Variants in GRM1 observed in about 807,000 individuals in gnomAD.
GRM1 encodes the protein metabotropic glutamate receptor 1.
Under a neutral mutation model 90.9 loss-of-function variants are expected in GRM1, and 33 were observed. That is an observed-to-expected ratio of 0.36 (90% CI 0.28 to 0.49). The LOEUF (loss-of-function observed/expected upper bound fraction) is 0.49. GRM1 is among the 20% of genes least tolerant of loss of function. The probability of loss-of-function intolerance (pLI) is 0.99; values close to 1 mark genes in which losing one functional copy is unlikely to be tolerated. For synonymous variants in GRM1, 700 were observed against 613.2 expected (o/e 1.14, Z -2.09); for missense variants, 1,190 against 1,534.3 (o/e 0.78, Z 3.75).
At chr6:146,203,963 A>G (rs983246557) in intron 2 of GRM1, among the ~76,000 whole-genome samples, 20 of 152,212 alleles carry the variant, frequency 1.3e-4, no homozygotes, top group African/African-American at 4.8e-4. Flanking sequence ...TATTTCAATC[A>G]CTATACCAAC....
At chr6:146,283,352 A>G (rs1037890117) in intron 2 of GRM1, among the ~76,000 whole-genome samples, 7 of 152,174 alleles carry the variant, frequency 4.6e-5, no homozygotes, top group Admixed American at 1.3e-4. Context: ...TGTCAAATAC[A>G]TATGTGCTTT....
At chr6:146,412,794 C>T (rs1002488563) in intron 7 of GRM1, among the ~76,000 whole-genome samples, 3 of 152,050 alleles carry the variant, frequency 2.0e-5, no homozygotes, top group African/African-American at 7.2e-5. Context: ...ATACAAATGT[C>T]CTAGAATAAC....
intron 2 of GRM1, among the ~76,000 whole-genome samples, chr6:146,252,789 C>T (rs952115198): frequency 2.0e-5 from 3 of 151,700 alleles, no homozygotes; most frequent in African/African-American, 7.3e-5. Flanking sequence ...TGGTTGGGCG[C>T]AGTGGCTCAC....
intron 2 of GRM1, among the ~76,000 whole-genome samples, chr6:146,270,813 TTCTG>T (rs1782087057): frequency 6.8e-6 from 1 of 147,968 alleles, no homozygotes; most frequent in South Asian, 2.1e-4. Context: ...AGATTTTCTT[TTCTG>T]TCTGCCTGCC....
In GRM1 at chr6:146,434,918, GCTGCTGCTGCTGCCGCTA is replaced by G. The variant is rs1481357791; in HGVS notation, c.*137_*154del. ...GGCCTCGTCGGGAGGACAGGAGACC[GCTGCTGCTGCTGCCGCTA>G]CTGCTGCTGCTGCCTTAAGTAGGAA... On this transcript the variant is annotated 3_prime_UTR_variant, in exon 8 of 8. Transcript: ENST00000282753. 13 of 801,596 alleles carry G rather than the reference GCTGCTGCTGCTGCCGCTA, an allele frequency of 1.6e-5. No individual in the cohort carries two copies. The highest frequency in any genetic ancestry group is 2.3e-5 in the Non-Finnish European group (11 of 475,736). 49.7% of individuals were successfully genotyped at this position (801,596 alleles called of 1,614,324 possible). A position where few individuals can be genotyped will look rare whatever the true frequency, so the allele number is the denominator to read the frequency against.
chr6:146,134,440 TA>T (rs1405615183), intron 1 of GRM1, among the ~76,000 whole-genome samples: 1 of 152,104 alleles, frequency 6.6e-6, no homozygotes, highest in African/African-American at 2.4e-5. Flanking sequence ...CAAGACTAGG[TA>T]ATTTATAAAG....
chr6:146,102,423 T>G (rs1404070227), intron 1 of GRM1, among the ~76,000 whole-genome samples: 1 of 152,226 alleles, frequency 6.6e-6, no homozygotes, highest in Non-Finnish European at 1.5e-5. Context: ...AATCTTTTTC[T>G]CCTAAACTTC....
intron 2 of GRM1, among the ~76,000 whole-genome samples, chr6:146,192,714 T>G (rs1486350350): frequency 3.3e-5 from 5 of 152,216 alleles, no homozygotes; most frequent in Non-Finnish European, 5.9e-5. Flanking sequence ...GTCAATTTAC[T>G]GATCTTTATT....
At chr6:146,293,252 A>T (rs1332989427) in intron 2 of GRM1, among the ~76,000 whole-genome samples, 1 of 151,998 alleles carries the variant, frequency 6.6e-6, no homozygotes, top group African/African-American at 2.4e-5. Flanking sequence ...TTTCACTTTA[A>T]AATGGTTGAT....
intron 2 of GRM1, among the ~76,000 whole-genome samples, chr6:146,163,272 T>C (rs1157499600): frequency 6.6e-6 from 1 of 152,190 alleles, no homozygotes; most frequent in African/African-American, 2.4e-5. Context: ...TGCAAAAGAA[T>C]CATTTCTTCT....
intron 2 of GRM1, among the ~76,000 whole-genome samples, chr6:146,262,074 GAAAAC>G (rs1226332611): frequency 2.7e-5 from 2 of 73,520 alleles, no homozygotes; most frequent in East Asian, 6.4e-4. Context: ...AATTCTAGTA[GAAAAC>G]AAAACAAAAA....
At chr6:146,243,302 A>G (rs1023974088) in intron 2 of GRM1, among the ~76,000 whole-genome samples, 1 of 152,076 alleles carries the variant, frequency 6.6e-6, no homozygotes, top group Non-Finnish European at 1.5e-5. Flanking sequence ...ACCTCAAGAA[A>G]GTTCCTGTAC....
intron 3 of GRM1, among the ~76,000 whole-genome samples, chr6:146,348,842 C>G (rs377531398): frequency 6.6e-6 from 1 of 152,152 alleles, no homozygotes; most frequent in Non-Finnish European, 1.5e-5. Context: ...AAAAGCTTCT[C>G]CTCTGTAGAT....
chr6:146,241,074 T>A (rs537160955), intron 2 of GRM1, among the ~76,000 whole-genome samples: 1 of 152,238 alleles, frequency 6.6e-6, no homozygotes, highest in East Asian at 1.9e-4. Flanking sequence ...AGCTGCCGGA[T>A]TTTCCTGAGC....
intron 2 of GRM1, among the ~76,000 whole-genome samples, chr6:146,210,563 G>A: frequency 6.6e-6 from 1 of 152,098 alleles, no homozygotes; most frequent in East Asian, 1.9e-4. Context: ...TGGATTTTGG[G>A]TAGGTGTTGC....
chr6:146,183,126 A>G (rs1778607895), intron 2 of GRM1, among the ~76,000 whole-genome samples: 1 of 152,076 alleles, frequency 6.6e-6, no homozygotes, highest in African/African-American at 2.4e-5. Context: ...TCTCATCTGC[A>G]GGGTTCAAGA....
chr6:146,263,591 C>T (rs998082610), intron 2 of GRM1, among the ~76,000 whole-genome samples: 7 of 151,978 alleles, frequency 4.6e-5, no homozygotes, highest in Admixed American at 3.3e-4. Flanking sequence ...ATCCTTATCT[C>T]GTACACAAGC....
At chr6:146,064,695 G>A (rs1346950664) in intron 1 of GRM1, among the ~76,000 whole-genome samples, 1 of 149,628 alleles carries the variant, frequency 6.7e-6, no homozygotes, top group Non-Finnish European at 1.5e-5. Flanking sequence ...AGAGGTTGAG[G>A]CAGGAGAATC....
intron 4 of GRM1, among the ~76,000 whole-genome samples, chr6:146,353,497 G>A (rs1157142209): frequency 2.0e-5 from 3 of 152,220 alleles, no homozygotes; most frequent in African/African-American, 7.2e-5. Flanking sequence ...GGGTATCAGA[G>A]AAACTAAGGA....
Sources: allele counts gnomAD v4.1 joint callset (sites outside exome capture counted in the v4.1 genomes callset), GRCh38; gene constraint gnomAD v4.1.1; transcripts MANE v1.5; gene names NCBI Gene and HGNC (gene_info 2026-07-23, HGNC 2026-07-21).